ARHGAP28: variants seen among roughly 807,000 people sequenced by gnomAD.
The protein encoded by ARHGAP28 is Rho GTPase activating protein 28, also known as rho GTPase-activating protein 28.
A neutral mutation model predicts 90.7 loss-of-function variants in ARHGAP28; 56 were observed. That is an observed-to-expected ratio of 0.62 (90% CI 0.50 to 0.77). The LOEUF is 0.77. ARHGAP28 is among the 30% of genes least tolerant of loss of function. The pLI is 0.00. For missense variants in ARHGAP28, 869 were observed against 900.9 expected (o/e 0.96, Z 0.45); for synonymous variants, 308 against 323.3 (o/e 0.95, Z 0.51).
At chr18:6,861,204 C>T (rs2056995650) in intron 5 of ARHGAP28, among the ~76,000 whole-genome samples, 1 of 152,224 alleles carries the variant, frequency 6.6e-6, no homozygotes, top group Non-Finnish European at 1.5e-5. Flanking sequence ...GCCCAACAGT[C>T]ACCCCTGCAT....
intron 1 of ARHGAP28, among the ~76,000 whole-genome samples, chr18:6,787,309 G>A (rs1271729526): frequency 1.4e-5 from 2 of 147,910 alleles, no homozygotes; most frequent in African/African-American, 2.5e-5. Flanking sequence ...ATAAGAATCA[G>A]CATCTCTTGA....
Position 6,764,906 on chromosome 18 carries a change from A to G in ARHGAP28, c.122+34963A>G, listed in dbSNP as rs187720112. 3.9e-5 allele frequency among the ~76,000 whole-genome samples: 6 copies of G among 152,288 alleles called. No individual in the cohort carries two copies. The East Asian group carries it at 7.7e-4, about 20-fold the overall frequency. ...GCGCTTAACCAAAAAGGCCTGTACT[A>G]TTGAGTTTAAACCAAATGACCAATA... On this transcript the variant is annotated intron_variant, in intron 1 of 17. Transcript: ENST00000383472.
intron 1 of ARHGAP28, among the ~76,000 whole-genome samples, chr18:6,792,148 G>A (rs767570867): frequency 2.0e-5 from 3 of 152,152 alleles, no homozygotes; most frequent in Non-Finnish European, 4.4e-5. Flanking sequence ...GTTACCTGGA[G>A]ATGGACGTAG....
intron 9 of ARHGAP28, among the ~76,000 whole-genome samples, chr18:6,875,572 C>T (rs191781043): frequency 1.3e-5 from 2 of 152,274 alleles, no homozygotes; most frequent in East Asian, 3.9e-4. Context: ...TGAGTTAATG[C>T]AGGTAAAGGA....
At chr18:6,846,128 A>T (rs140252624) in intron 3 of ARHGAP28, among the ~76,000 whole-genome samples, 50 of 152,298 alleles carry the variant, frequency 3.3e-4, no homozygotes, top group Non-Finnish European at 6.8e-4. Flanking sequence ...CTCCACCTGG[A>T]TTCATGGTGG....
intron 1 of ARHGAP28, among the ~76,000 whole-genome samples, chr18:6,761,166 G>A (rs997082583): frequency 4.6e-5 from 7 of 151,958 alleles, no homozygotes; most frequent in African/African-American, 1.7e-4. Context: ...TGGGGGTGGG[G>A]GTGAGGGCAG....
chr18:6,850,706 A>T, intron 3 of ARHGAP28: 2 of 944,410 alleles, frequency 2.1e-6, no homozygotes, highest in East Asian at 5.3e-5. Flanking sequence ...ACATGATCAC[A>T]CTCAGTCTTT....
chr18:6,793,779 G>C (rs1162755320), intron 1 of ARHGAP28, among the ~76,000 whole-genome samples: 1 of 151,768 alleles, frequency 6.6e-6, no homozygotes. Flanking sequence ...TGAAGGCTAA[G>C]GGTAGTCAAA....
Position 6,837,071 on chromosome 18 carries a change from C to A in ARHGAP28, c.326-126C>A, listed in dbSNP as rs1278445077. 2.4e-5 allele frequency: 17 copies of A among 701,824 alleles called. No individual in the cohort carries two copies. The South Asian group carries it at 2.7e-4, about 11-fold the overall frequency. 43.5% of individuals were successfully genotyped at this position (701,824 alleles called of 1,614,324 possible). On this transcript the variant is annotated intron_variant, in intron 2 of 17. Coordinates refer to ENST00000383472, the MANE Select transcript of ARHGAP28 (RefSeq NM_001366230.1). ...CAGACTTTCATTCATTCTTGTAGTT[C>A]TTTCCCATAATTACTGTAGAAAAAA... is the stretch of plus-strand genomic sequence containing the variant.
intron 11 of ARHGAP28, among the ~76,000 whole-genome samples, chr18:6,884,302 C>T (rs966303576): frequency 3.3e-5 from 5 of 152,112 alleles, no homozygotes; most frequent in East Asian, 3.9e-4. Context: ...TCAACCCAGG[C>T]GGTGGAGCTT....
intron 2 of ARHGAP28, among the ~76,000 whole-genome samples, chr18:6,831,471 G>GTTTTTT (rs57331018): frequency 9.1e-5 from 10 of 109,306 alleles, no homozygotes; most frequent in Admixed American, 2.0e-4. Context: ...GTATCTTGAT[G>GTTTTTT]TTTTTTTTTT....
chr18:6,841,212 T>TCTCTCTCTCTCTCTCTCTCTCTCTC (rs1567966928), intron 3 of ARHGAP28, among the ~76,000 whole-genome samples: 1 of 104,646 alleles, frequency 9.6e-6, no homozygotes, highest in African/African-American at 4.1e-5. Context: ...TCCTCTCCTC[T>TCTCTCTCTCTCTCTCTCTCTCTCTC]CTCTCTCTCT....
chr18:6,824,691 A>T, intron 1 of ARHGAP28, 71 bp from the exon 2 acceptor site: 1 of 1,298,142 alleles, frequency 7.7e-7, no homozygotes, highest in Non-Finnish European at 1.0e-6. Context: ...AACTTAATTA[A>T]ATTTAATTTT....
chr18:6,847,138 G>C (rs1180221938), intron 3 of ARHGAP28, among the ~76,000 whole-genome samples: 11 of 152,118 alleles, frequency 7.2e-5, no homozygotes, highest in Admixed American at 7.2e-4. Context: ...CTCTGGATAA[G>C]GAGGGTTGTT....
At chr18:6,847,630 G>GT (rs113144982) in intron 3 of ARHGAP28, among the ~76,000 whole-genome samples, 3,270 of 150,368 alleles carry the variant, frequency 0.022, 53 homozygotes, top group African/African-American at 0.043. Flanking sequence ...AGAGAGTGGG[G>GT]GTGTGTGTGT....
At chr18:6,819,733 T>A (rs1056100970) in intron 1 of ARHGAP28, among the ~76,000 whole-genome samples, 1 of 152,188 alleles carries the variant, frequency 6.6e-6, no homozygotes, top group Admixed American at 6.5e-5. Flanking sequence ...GAGAGATCTC[T>A]GTAGTCCCAT....
chr18:6,818,893 T>A (rs1207531600), intron 1 of ARHGAP28, among the ~76,000 whole-genome samples: 11 of 152,170 alleles, frequency 7.2e-5, no homozygotes, highest in Non-Finnish European at 1.6e-4. Context: ...AACCTTGAAG[T>A]CACAGAACAG....
At chr18:6,837,774 A>G (rs565345258) in intron 3 of ARHGAP28, among the ~76,000 whole-genome samples, 3 of 152,080 alleles carry the variant, frequency 2.0e-5, no homozygotes, top group Admixed American at 6.5e-5. Context: ...TAGGGAAGTA[A>G]GCAAGACCAG....
chr18:6,764,562 A>G (rs1156516361), intron 1 of ARHGAP28, among the ~76,000 whole-genome samples: 1 of 152,178 alleles, frequency 6.6e-6, no homozygotes, highest in Non-Finnish European at 1.5e-5. Flanking sequence ...CATTGTTGTA[A>G]TAACCCCTCT....
Sources: gnomAD v4.1 joint callset for allele counts (sites outside exome capture counted in the v4.1 genomes callset) on GRCh38, gnomAD v4.1.1 for gene constraint, MANE v1.5 for transcripts, NCBI Gene and HGNC (gene_info 2026-07-23, HGNC 2026-07-21) for gene names.